SLIT2: variants seen among roughly 807,000 people sequenced by gnomAD.
SLIT2 encodes slit guidance ligand 2.
SLIT2 carries 41 observed loss-of-function variants against 185.7 expected under a neutral mutation model. That is an observed-to-expected ratio of 0.22 (90% confidence interval 0.17 to 0.29). SLIT2 has a LOEUF of 0.29. SLIT2 is among the 10% of genes least tolerant of loss of function. The probability of loss-of-function intolerance (pLI) is 1.00; values close to 1 mark genes in which losing one functional copy is unlikely to be tolerated. For synonymous variants in SLIT2, 693 were observed against 680.2 expected (o/e 1.02, Z -0.29); for missense variants, 1,571 against 1,909.0 (o/e 0.82, Z 3.30).
At chr4:20,496,139 T>A (rs1286218573) in intron 9 of SLIT2, among the ~76,000 whole-genome samples, 1 of 152,210 alleles carries the variant, frequency 6.6e-6, no homozygotes, top group African/African-American at 2.4e-5. Flanking sequence ...GATATAATTC[T>A]AATGAAAAGA....
At chr4:20,370,055 A>G (rs1466944707) in intron 4 of SLIT2, among the ~76,000 whole-genome samples, 1 of 152,094 alleles carries the variant, frequency 6.6e-6, no homozygotes, top group Non-Finnish European at 1.5e-5. Flanking sequence ...CCCCAGACCA[A>G]CTGAATAAGA....
chr4:20,365,469 A>T (rs1361749069), intron 4 of SLIT2, among the ~76,000 whole-genome samples: 1 of 152,160 alleles, frequency 6.6e-6, no homozygotes, highest in Non-Finnish European at 1.5e-5. Context: ...TGTTCCAGGC[A>T]AGCAAAAAAG....
intron 6 of SLIT2, 75 bp downstream of exon 6, chr4:20,480,862 G>A (rs1716629097): frequency 1.9e-6 from 2 of 1,061,430 alleles, no homozygotes; most frequent in African/African-American, 3.1e-5. Context: ...AAGCTTATCT[G>A]CTAGCTTAAA....
At chr4:20,282,754 T>A (rs1192306469) in intron 4 of SLIT2, among the ~76,000 whole-genome samples, 2 of 152,226 alleles carry the variant, frequency 1.3e-5, no homozygotes, top group African/African-American at 4.8e-5. Flanking sequence ...CCTCTCTTCT[T>A]TCTTAACTAT....
chr4:20,550,837 G>A lies in SLIT2; in HGVS notation c.2500G>A (p.Gly834Arg), dbSNP rs1275749885. The part of the protein sequence containing the change: ...LKSLRLLSLH[G>R]NDISVVPEGA... Reference sequence around the variant, plus strand: ...TTTTCTTTCTTTTAGTTCTCTACATGGAAATGACATTTCTGTTGTGCCTGA... The same window carrying A: ...TTTTCTTTCTTTTAGTTCTCTACATAGAAATGACATTTCTGTTGTGCCTGA... Residue 834 changes from glycine to arginine, a missense_variant, in exon 25 of 37, where the codon GGA becomes AGA. By Grantham distance (125) the Gly-to-Arg change is moderately radical. Transcript: ENST00000504154. 2.5e-6 allele frequency: 4 copies of A among 1,603,106 alleles called. No homozygotes were observed. In the South Asian group the frequency reaches 3.3e-5, roughly 13 times the overall value.
intron 3 of SLIT2, among the ~76,000 whole-genome samples, chr4:20,264,612 C>T (rs1327464210): frequency 6.6e-6 from 1 of 151,838 alleles, no homozygotes; most frequent in Admixed American, 6.6e-5. Flanking sequence ...TAATTCAAAA[C>T]AATGTTTGTC....
intron 4 of SLIT2, among the ~76,000 whole-genome samples, chr4:20,340,266 T>C (rs1467297926): frequency 6.6e-6 from 1 of 152,144 alleles, no homozygotes; most frequent in Non-Finnish European, 1.5e-5. Flanking sequence ...AATCTAAGTG[T>C]TTCCCTTCTG....
chr4:20,610,028 T>C lies in SLIT2; in HGVS notation c.3708T>C (p.Asn1236=), dbSNP rs761079697. ...ASAIYSVETI[N]DGNFHIVELL... ...TCCGTTGTAGTGTGGAGACAATCAA[T>C]GATGGAAACTTCCACATTGTGGAAC... Residue 1236 remains asparagine, a synonymous_variant, in exon 34 of 37, where the codon AAT becomes AAC. Coordinates refer to ENST00000504154, the MANE Select transcript of SLIT2 (RefSeq NM_004787.4). 1 of 1,612,870 alleles carries C rather than the reference T, an allele frequency of 6.2e-7. No individual in the cohort carries two copies. Among genetic ancestry groups the C allele is most frequent in the South Asian group, 1.1e-5 (1 of 90,846 alleles).
intron 16 of SLIT2, among the ~76,000 whole-genome samples, chr4:20,531,540 T>C (rs1191148638): frequency 2.0e-5 from 3 of 152,310 alleles, no homozygotes; most frequent in South Asian, 2.1e-4. Context: ...TGGAATTAGA[T>C]AGCAAAGATG....
intron 15 of SLIT2, among the ~76,000 whole-genome samples, chr4:20,527,993 T>C (rs377422766): frequency 6.6e-6 from 1 of 152,168 alleles, no homozygotes; most frequent in Admixed American, 6.5e-5. Context: ...GCTTCTCTGT[T>C]GTCCTTGTAG....
intron 4 of SLIT2, among the ~76,000 whole-genome samples, chr4:20,311,638 T>C (rs1172311875): frequency 1.3e-5 from 2 of 152,316 alleles, no homozygotes; most frequent in African/African-American, 2.4e-5. Flanking sequence ...TTTAGAGTTA[T>C]AGAAAATAGT....
intron 3 of SLIT2, among the ~76,000 whole-genome samples, chr4:20,260,364 A>C (rs112790298): frequency 1.5e-3 from 229 of 151,928 alleles, no homozygotes; most frequent in Middle Eastern, 3.4e-3. Flanking sequence ...TAAAATTGGA[A>C]CTCAATTATG....
In SLIT2 at chr4:20,472,542, A is replaced by C. The variant is rs1229723397; in HGVS notation, c.467+4719A>C. Among the ~76,000 whole-genome samples, 2 of 16,714 alleles carry C rather than the reference A, an allele frequency of 1.2e-4. 1 individual carries two copies. The highest frequency in any genetic ancestry group is 2.5e-3 in the Admixed American group (2 of 806). 11.0% of individuals were successfully genotyped at this position (16,714 alleles called of 152,430 possible). A position where few individuals can be genotyped will look rare whatever the true frequency, so the allele number is the denominator to read the frequency against. Reference sequence around the variant, plus strand: ...TATATATCTATATATAGATATATCTATATCTATATATAGATATATATCTAT... The same window carrying C: ...TATATATCTATATATAGATATATCTCTATCTATATATAGATATATATCTAT... On this transcript the variant is annotated intron_variant, in intron 5 of 36. Transcript: ENST00000504154.
At chr4:20,304,315 G>A (rs1009669786) in intron 4 of SLIT2, among the ~76,000 whole-genome samples, 1 of 152,098 alleles carries the variant, frequency 6.6e-6, no homozygotes, top group Non-Finnish European at 1.5e-5. Context: ...AGGTAAGAGA[G>A]AACTAAAAAT....
intron 4 of SLIT2, among the ~76,000 whole-genome samples, chr4:20,364,816 T>C (rs1722988698): frequency 6.6e-6 from 1 of 152,140 alleles, no homozygotes; most frequent in Non-Finnish European, 1.5e-5. Flanking sequence ...AAAACCAGTA[T>C]TAATTGTAAT....
rs888216235 is a variant in SLIT2 at position 20,619,555 on chromosome 4, A to C, written c.*546A>C. 1.3e-5 allele frequency: 2 copies of C among 152,204 alleles called. No homozygotes were observed. Among genetic ancestry groups the C allele is most frequent in the African/African-American group, 4.8e-5 (2 of 41,446 alleles). The allele number at this position is 152,204 out of a possible 1,614,324, so 9.4% of individuals were successfully genotyped here. A position where few individuals can be genotyped will look rare whatever the true frequency, so the allele number is the denominator to read the frequency against. ...TGGGTTCCATTTACGAGAGGAAATG[A>C]AAGTGCTAAAATAAATTTTATCTTC... is the stretch of plus-strand genomic sequence containing the variant. On this transcript the variant is annotated 3_prime_UTR_variant, in exon 37 of 37. Coordinates refer to ENST00000504154, the MANE Select transcript of SLIT2 (RefSeq NM_004787.4).
intron 4 of SLIT2, among the ~76,000 whole-genome samples, chr4:20,422,042 G>C (rs1017124777): frequency 1.3e-5 from 2 of 152,086 alleles, no homozygotes; most frequent in African/African-American, 4.8e-5. Flanking sequence ...CAAGATTTCA[G>C]AGTTCATTTC....
chr4:20,440,072 G>A (rs1021566665), intron 4 of SLIT2, among the ~76,000 whole-genome samples: 4 of 152,130 alleles, frequency 2.6e-5, no homozygotes, highest in African/African-American at 7.2e-5. Flanking sequence ...GCAATTAATT[G>A]TTAAAAGTTC....
In SLIT2 at chr4:20,467,269, A is replaced by G. The variant is rs1035858746; in HGVS notation, c.396-483A>G. ...CATTTTCAAGATTACTAGAAGTGCT[A>G]TGAAAACTTAATCATACTGTCCAGG... On this transcript the variant is annotated intron_variant, in intron 4 of 36. Transcript: ENST00000504154. Among the ~76,000 whole-genome samples the G allele has an allele frequency of 2.0e-5, 3 of 152,142 alleles. No homozygotes were observed. The East Asian group carries it at 5.8e-4, about 29-fold the overall frequency.
Sources: gnomAD v4.1 joint callset for allele counts (sites outside exome capture counted in the v4.1 genomes callset) on GRCh38, gnomAD v4.1.1 for gene constraint, MANE v1.5 for transcripts, NCBI Gene and HGNC (gene_info 2026-07-23, HGNC 2026-07-21) for gene names.